The following STARD9 variants were observed in gnomAD, a reference collection of about 807,000 sequenced individuals.
STARD9 encodes the protein stAR-related lipid transfer protein 9.
STARD9 carries 346 observed loss-of-function variants against 399.8 expected under a neutral mutation model. The observed-to-expected ratio is 0.87, with a 90% CI of 0.79 to 0.95. The LOEUF (loss-of-function observed/expected upper bound fraction) is 0.95. STARD9 is among the 40% of genes least tolerant of loss of function. The pLI, the probability that STARD9 is intolerant of heterozygous loss-of-function variation, is 0.00. For missense variants in STARD9, 5,832 were observed against 5,667.5 expected, an observed-to-expected ratio of 1.03 and a Z score of -0.93; for synonymous variants, 2,203 against 2,143.5, an observed-to-expected ratio of 1.03 and a Z score of -0.77.
chr15:42,638,698 A>T lies in STARD9; in HGVS notation c.447-2A>T, dbSNP rs1272216811. The stretch of plus-strand genomic sequence containing the variant: ...ATGTTGCCTTTTTCTACTTAACTCT[A>T]GTTTTCTAGAAATCTATAATGAACG... On this transcript the variant is annotated splice_acceptor_variant, in intron 6 of 32. Coordinates refer to ENST00000290607, the MANE Select transcript of STARD9 (RefSeq NM_020759.3). LOFTEE classifies it high-confidence loss of function. 1.3e-6 allele frequency: 2 copies of T among 1,524,788 alleles called. No individual in the cohort carries two copies. Among genetic ancestry groups the T allele is most frequent in the Non-Finnish European group, 8.8e-7 (1 of 1,139,768 alleles). 94.5% of individuals were successfully genotyped at this position (1,524,788 alleles called of 1,614,324 possible).
At chr15:42,579,255 A>G (rs2058120331) in intron 1 of STARD9, among the ~76,000 whole-genome samples, 1 of 152,206 alleles carries the variant, frequency 6.6e-6, no homozygotes, top group Non-Finnish European at 1.5e-5. Flanking sequence ...AACCACTACA[A>G]ACTCCAAACA....
chr15:42,665,703 A>T lies in STARD9; in HGVS notation c.1255-83A>T, dbSNP rs147741087. 673 of 1,102,732 alleles carry T rather than the reference A, an allele frequency of 6.1e-4. 2 individuals are homozygous for T. In the African/African-American group the frequency reaches 9.6e-3, roughly 16 times the overall value. The allele number at this position is 1,102,732 out of a possible 1,614,324, so 68.3% of individuals were successfully genotyped here. On this transcript the variant is annotated intron_variant, in intron 14 of 32. Transcript: ENST00000290607. ...AAAGTTTTTCCTTTATCTGCATCTT[A>T]TCCTCCTCCACAAGTGTAAGGGTGG... is the stretch of plus-strand genomic sequence containing the variant.
Position 42,575,769 on chromosome 15 carries a change from C to T in STARD9, c.47+7C>T, listed in dbSNP as rs1377266815. The T allele has an allele frequency of 6.5e-7, 1 of 1,536,776 alleles. No individual in the cohort carries two copies. The highest frequency in any genetic ancestry group is 1.4e-5 in the African/African-American group (1 of 73,054). Reference sequence around the variant, plus strand: ...TCCGGCCGCTCAGCAAGAGGTGAGTCTCCGCGGGAGAGGGCGCCTGAGGCT... The same window carrying T: ...TCCGGCCGCTCAGCAAGAGGTGAGTTTCCGCGGGAGAGGGCGCCTGAGGCT... On this transcript the variant is annotated splice_region_variant and intron_variant, in intron 1 of 32. Transcript: ENST00000290607.
intron 7 of STARD9, among the ~76,000 whole-genome samples, chr15:42,645,695 C>T (rs1471588178): frequency 6.6e-6 from 1 of 151,920 alleles, no homozygotes; most frequent in Non-Finnish European, 1.5e-5. Flanking sequence ...CATGCGCTAC[C>T]ATACCTGGCT....
At chr15:42,595,057 T>C (rs1213655026) in intron 3 of STARD9, among the ~76,000 whole-genome samples, 3 of 152,190 alleles carry the variant, frequency 2.0e-5, no homozygotes, top group Non-Finnish European at 4.4e-5. Context: ...GAGTGTGACC[T>C]TCCCTTCTTT....
At chr15:42,642,004 C>T (rs1262377713) in intron 7 of STARD9, among the ~76,000 whole-genome samples, 1 of 152,168 alleles carries the variant, frequency 6.6e-6, no homozygotes, top group Non-Finnish European at 1.5e-5. Context: ...TTCTCATCAT[C>T]ACCCTCTGAT....
chr15:42,711,139 CT>C (rs1253145945), intron 26 of STARD9, among the ~76,000 whole-genome samples: 290 of 140,040 alleles, frequency 2.1e-3, no homozygotes, highest in Middle Eastern at 3.6e-3. Context: ...TACCACATAA[CT>C]TTTTTTTTTT....
At position 42,673,985 on chromosome 15, in the gene STARD9, A is replaced by C. The variant is rs143888726; in HGVS notation, c.1498-455A>C. On this transcript the variant is annotated intron_variant, in intron 16 of 32. Transcript: ENST00000290607. ...GAAGGTAAAAATCCTGTGTTTCCATAAATCTTCACAAAATGCTTGTTTGAT... is the reference window on the plus strand; with the variant it reads ...GAAGGTAAAAATCCTGTGTTTCCATCAATCTTCACAAAATGCTTGTTTGAT... 715 of 456,714 alleles carry C rather than the reference A, an allele frequency of 1.6e-3. 2 individuals are homozygous for C. Among genetic ancestry groups the C allele is most frequent in the African/African-American group, 0.013 (662 of 50,204 alleles). 28.3% of individuals were successfully genotyped at this position (456,714 alleles called of 1,614,324 possible).
chr15:42,706,669 C>G (rs992250163), intron 26 of STARD9, among the ~76,000 whole-genome samples: 1 of 152,080 alleles, frequency 6.6e-6, no homozygotes, highest in Non-Finnish European at 1.5e-5. Context: ...AGGCTCGTCT[C>G]GAACCCCTGA....
chr15:42,690,221 G>C lies in STARD9; in HGVS notation c.8643G>C (p.Gly2881=), dbSNP rs2060658381. ...GTGTGCAGTGTAAGGAGAGTGTTGG[G>C]TCTGGGTTGACAGAAGTCTGCAGGG... ...QQCVQCKESV[G]SGLTEVCRAG... The change falls in exon 23 of 33, where the codon GGG becomes GGC. Residue 2881 remains glycine, a synonymous_variant. Coordinates refer to ENST00000290607, the MANE Select transcript of STARD9 (RefSeq NM_020759.3). 2.0e-6 allele frequency: 3 copies of C among 1,537,652 alleles called. No homozygotes were observed. Among genetic ancestry groups the C allele is most frequent in the South Asian group, 2.4e-5 (2 of 84,066 alleles).
Position 42,692,009 on chromosome 15 carries a change from G to T in STARD9, c.10431G>T (p.Glu3477Asp), listed in dbSNP as rs1265093095. 2 of 1,537,276 alleles carry T rather than the reference G, an allele frequency of 1.3e-6. No individual in the cohort carries two copies. The highest frequency in any genetic ancestry group is 1.7e-6 in the Non-Finnish European group (2 of 1,146,916). ...ATGCGCTGCCGTGGCGTCCGGAGGA[G>T]CCTGCACGTATCAGCTGGAAGCAGT... is the stretch of plus-strand genomic sequence containing the variant. ...SPYALPWRPEEPARISWKQYM... is the reference protein window; with the variant it reads ...SPYALPWRPEDPARISWKQYM... Residue 3477 changes from glutamate (E) to aspartate (D), a missense_variant, in exon 23 of 33, where the codon GAG becomes GAT. Coordinates refer to ENST00000290607, the MANE Select transcript of STARD9 (RefSeq NM_020759.3).
rs1205553399 is a variant in STARD9, at chr15:42,608,923, G to C, written c.234+23286G>C. On this transcript the variant is annotated intron_variant, in intron 3 of 32. Coordinates refer to ENST00000290607, the MANE Select transcript of STARD9 (RefSeq NM_020759.3). ...TTCAGTCCATAGATTATGTATTCAT[G>C]TATTCAGTCAGTGTTAACCGAGCAT... Among the ~76,000 whole-genome samples, 5 of 152,344 alleles carry C rather than the reference G, an allele frequency of 3.3e-5. No individual in the cohort carries two copies. The East Asian group carries it at 9.6e-4, about 29-fold the overall frequency.
At chr15:42,683,328 A>G (rs775415030) in intron 22 of STARD9, among the ~76,000 whole-genome samples, 15 of 152,234 alleles carry the variant, frequency 9.9e-5, no homozygotes, top group Admixed American at 9.8e-4. Flanking sequence ...AGAATAGTAC[A>G]TGTATCACTG....
intron 2 of STARD9, 126 bp downstream of exon 2, chr15:42,583,541 T>A (rs749952264): frequency 5.3e-5 from 33 of 620,476 alleles, no homozygotes; most frequent in Non-Finnish European, 8.6e-5. Context: ...ATAAGAGGAA[T>A]AGGGGGAGGA....
intron 7 of STARD9, among the ~76,000 whole-genome samples, chr15:42,648,666 G>A (rs181740980): frequency 1.3e-5 from 2 of 152,092 alleles, no homozygotes; most frequent in East Asian, 3.9e-4. Context: ...GTAGATTTAG[G>A]TTTTTAAAAA....
chr15:42,622,420 C>T (rs760280360), intron 3 of STARD9, among the ~76,000 whole-genome samples: 3 of 152,018 alleles, frequency 2.0e-5, no homozygotes, highest in African/African-American at 7.3e-5. Context: ...TACCCTGGAG[C>T]GCAGCTGCAT....
At chr15:42,575,820 G>A in intron 1 of STARD9, 58 bp downstream of exon 1, 1 of 1,495,746 alleles carries the variant, frequency 6.7e-7, no homozygotes, top group Non-Finnish European at 9.0e-7. Context: ...AGAGCGGGAG[G>A]TCCGCGTCTC....
At chr15:42,670,704 G>C (rs908501878) in intron 16 of STARD9, 5 of 152,162 alleles carry the variant, frequency 3.3e-5, no homozygotes, top group African/African-American at 9.7e-5. Flanking sequence ...AAAGCTCATC[G>C]GTGTTCTTAG....
intron 3 of STARD9, among the ~76,000 whole-genome samples, chr15:42,596,243 G>C (rs939586315): frequency 2.0e-5 from 3 of 152,162 alleles, no homozygotes; most frequent in African/African-American, 4.8e-5. Context: ...GGCAGCCTAA[G>C]CATAAATGGA....
Sources: gnomAD v4.1 joint callset for allele counts (sites outside exome capture counted in the v4.1 genomes callset) on GRCh38, gnomAD v4.1.1 for gene constraint, MANE v1.5 for transcripts, NCBI Gene and HGNC (gene_info 2026-07-23, HGNC 2026-07-21) for gene names.